The following FBXO42 variants were observed in gnomAD, a reference collection of about 807,000 sequenced individuals.
FBXO42 encodes the protein F-box protein 42.
FBXO42 carries 12 observed loss-of-function variants against 71.7 expected under a neutral mutation model. The observed-to-expected ratio is 0.17, with a 90% CI of 0.11 to 0.27. FBXO42 has a LOEUF of 0.27. Among genes scored for constraint, FBXO42 ranks in the 10% least tolerant of loss-of-function variants. The pLI is 1.00. For synonymous variants in FBXO42, 325 were observed against 327.5 expected (o/e 0.99, Z 0.08); for missense variants, 707 against 911.9 (o/e 0.78, Z 2.89).
intron 1 of FBXO42, among the ~76,000 whole-genome samples, chr1:16,336,312 T>C (rs963794070): frequency 2.0e-5 from 3 of 151,902 alleles, no homozygotes; most frequent in Non-Finnish European, 4.4e-5. Flanking sequence ...CGTAATATTC[T>C]CTCTTCCCAC....
intron 4 of FBXO42, 77 bp downstream of exon 4, chr1:16,294,706 C>CA: frequency 6.6e-7 from 1 of 1,521,500 alleles, no homozygotes; most frequent in Non-Finnish European, 8.9e-7. Flanking sequence ...AGACCAACAC[C>CA]AAAAATGATC....
chr1:16,315,336 T>G lies in FBXO42; in HGVS notation c.83A>C (p.Gln28Pro). ...CAATACTGGGTGGGGCTCCTCATCT[T>G]GATCCATTGTCCCTTCCAGCACAGT... ...EETVLEGTMD[Q>P]DEEPHPVLEA... is the part of the protein sequence containing the mutation. The change falls in exon 2 of 10, where the codon CAA becomes CCA. Residue 28 changes from glutamine (Q) to proline (P), a missense_variant. Gln to Pro is a moderately conservative substitution (Grantham distance 76). This residue lies in a region of FBXO42 where 188 missense variants were observed against 230.5 expected (regional missense o/e 0.82). Coordinates refer to ENST00000375592, the MANE Select transcript of FBXO42 (RefSeq NM_018994.3). The G allele has an allele frequency of 1.2e-6, 2 of 1,614,204 alleles. No individual in the cohort carries two copies. Among genetic ancestry groups the G allele is most frequent in the Non-Finnish European group, 1.7e-6 (2 of 1,180,030 alleles).
chr1:16,324,717 G>C (rs765355755), intron 1 of FBXO42, among the ~76,000 whole-genome samples: 13 of 152,220 alleles, frequency 8.5e-5, no homozygotes, highest in Non-Finnish European at 2.9e-5. Flanking sequence ...CAGGGGGTCT[G>C]AGGTGCGAGC....
intron 1 of FBXO42, among the ~76,000 whole-genome samples, chr1:16,338,082 A>AC (rs2082569219): frequency 6.6e-6 from 1 of 150,994 alleles, no homozygotes; most frequent in Non-Finnish European, 1.5e-5. Flanking sequence ...ACACAGTGAA[A>AC]CCCCGTCTCC....
intron 3 of FBXO42, among the ~76,000 whole-genome samples, chr1:16,302,492 G>A (rs905743864): frequency 6.6e-6 from 1 of 152,138 alleles, no homozygotes; most frequent in African/African-American, 2.4e-5. Flanking sequence ...GCAGGAGAAA[G>A]AGCACAGGGG....
At chr1:16,314,667 G>A (rs1193408147) in intron 2 of FBXO42, among the ~76,000 whole-genome samples, 3 of 152,102 alleles carry the variant, frequency 2.0e-5, no homozygotes, top group Admixed American at 2.0e-4. Flanking sequence ...GGCGGATCAC[G>A]AGGTCAGGAG....
At chr1:16,344,443 C>T (rs1386433597) in intron 1 of FBXO42, among the ~76,000 whole-genome samples, 2 of 151,096 alleles carry the variant, frequency 1.3e-5, no homozygotes, top group Non-Finnish European at 2.9e-5. Context: ...CACAGCTTCC[C>T]AAGTAGCTGA....
At chr1:16,350,757 A>AAGAAAGAAAGAGAGAAAGAAAGAAAG (rs1553156685) in intron 1 of FBXO42, among the ~76,000 whole-genome samples, 1 of 44,248 alleles carries the variant, frequency 2.3e-5, no homozygotes, top group Non-Finnish European at 4.1e-5. Context: ...AAAAAAAAAA[A>AAGAAAGAAAGAGAGAAAGAAAGAAAG]AAAGAAAGAA....
At chr1:16,318,205 G>A (rs1359126513) in intron 1 of FBXO42, among the ~76,000 whole-genome samples, 1 of 152,178 alleles carries the variant, frequency 6.6e-6, no homozygotes, top group African/African-American at 2.4e-5. Flanking sequence ...GATCACCTGA[G>A]GTCAAGAGTT....
intron 3 of FBXO42, among the ~76,000 whole-genome samples, chr1:16,301,051 A>G (rs1465661419): frequency 1.3e-5 from 2 of 151,804 alleles, no homozygotes; most frequent in African/African-American, 4.8e-5. Context: ...GCGTGCGCCC[A>G]CCACGCCCAG....
At chr1:16,275,747 G>A (rs2081893318) in intron 4 of FBXO42, among the ~76,000 whole-genome samples, 1 of 152,216 alleles carries the variant, frequency 6.6e-6, no homozygotes, top group Admixed American at 6.5e-5. Context: ...GGTTGCTCAT[G>A]CCTGTAATCC....
intron 4 of FBXO42, chr1:16,294,022 G>A (rs561152207): frequency 6.6e-6 from 1 of 152,256 alleles, no homozygotes; most frequent in South Asian, 2.1e-4. Context: ...AAACCCAAAT[G>A]TCCTTAGTCC....
chr1:16,269,269 A>G (rs2081812941), intron 4 of FBXO42, among the ~76,000 whole-genome samples: 1 of 151,064 alleles, frequency 6.6e-6, no homozygotes, highest in African/African-American at 2.4e-5. Context: ...CTATATTTTT[A>G]GTAGAGATGA....
chr1:16,249,795 G>T lies in FBXO42; in HGVS notation c.*875C>A, dbSNP rs1049508748. Reference sequence around the variant, plus strand: ...TTCACCACATATGAAAAAAAAAAAAGAAAAGAAAAAAGGTAGAAGAAAAAA... The same window carrying T: ...TTCACCACATATGAAAAAAAAAAAATAAAAGAAAAAAGGTAGAAGAAAAAA... On this transcript the variant is annotated 3_prime_UTR_variant, in exon 10 of 10. Coordinates refer to ENST00000375592, the MANE Select transcript of FBXO42 (RefSeq NM_018994.3). 3 of 150,522 alleles carry T rather than the reference G, an allele frequency of 2.0e-5. No individual in the cohort carries two copies. In the East Asian group the frequency reaches 5.8e-4, roughly 29 times the overall value. The allele number at this position is 150,522 out of a possible 1,614,324, so 9.3% of individuals were successfully genotyped here.
intron 2 of FBXO42, among the ~76,000 whole-genome samples, chr1:16,306,778 A>T (rs2082255605): frequency 1.3e-5 from 2 of 152,268 alleles, no homozygotes; most frequent in South Asian, 4.1e-4. Context: ...AGCTCACTGC[A>T]ATCTCTGCCT....
rs190598387 is a variant in FBXO42 at position 16,273,532 on chromosome 1, A to G, written c.503-16773T>C. 5.9e-5 allele frequency among the ~76,000 whole-genome samples: 9 copies of G among 152,096 alleles called. No individual in the cohort carries two copies. The East Asian group carries it at 1.7e-3, about 29-fold the overall frequency. ...AGTACAAACAATGTTGATGGCAGCTATATTCAAAGTAGAAACAGCCCAAGT... is the reference window on the plus strand; with the variant it reads ...AGTACAAACAATGTTGATGGCAGCTGTATTCAAAGTAGAAACAGCCCAAGT... On this transcript the variant is annotated intron_variant, in intron 4 of 9. Coordinates refer to ENST00000375592, the MANE Select transcript of FBXO42 (RefSeq NM_018994.3).
chr1:16,346,553 T>C (rs2082655953), intron 1 of FBXO42, among the ~76,000 whole-genome samples: 1 of 151,412 alleles, frequency 6.6e-6, no homozygotes, highest in South Asian at 2.1e-4. Flanking sequence ...CTGGGCGTGG[T>C]GGTGGGCGCA....
intron 2 of FBXO42, among the ~76,000 whole-genome samples, chr1:16,307,582 T>C (rs2082265085): frequency 6.6e-6 from 1 of 151,210 alleles, no homozygotes; most frequent in Non-Finnish European, 1.5e-5. Flanking sequence ...AATCATAACC[T>C]GTCTTGGTCC....
At position 16,256,593 on chromosome 1, in the gene FBXO42, C is replaced by T; in HGVS notation, c.656+13G>A. 6.2e-7 allele frequency: 1 copy of T among 1,612,760 alleles called. No individual in the cohort carries two copies. The highest frequency in any genetic ancestry group is 8.5e-7 in the Non-Finnish European group (1 of 1,179,076). Reference sequence around the variant, plus strand: ...TTTCTTCCAGATTTAAAGAGTTTATCTTTGTGACTTACCAATTTTTAGAGG... The same window carrying T: ...TTTCTTCCAGATTTAAAGAGTTTATTTTTGTGACTTACCAATTTTTAGAGG... On this transcript the variant is annotated intron_variant, in intron 5 of 9. Transcript: ENST00000375592.
Sources: allele counts gnomAD v4.1 joint callset (sites outside exome capture counted in the v4.1 genomes callset), GRCh38; gene constraint gnomAD v4.1.1; regional missense constraint gnomAD v4.1.1; transcripts MANE v1.5; gene names NCBI Gene and HGNC (gene_info 2026-07-23, HGNC 2026-07-21).